The following LRRK2 variants were observed in gnomAD, a reference collection of about 807,000 sequenced individuals.
LRRK2 encodes leucine-rich repeat serine/threonine-protein kinase 2.
In LRRK2, 203 loss-of-function variants were observed where a neutral mutation model predicts 302.6. The observed-to-expected ratio is 0.67, with a 90% confidence interval of 0.60 to 0.75. The LOEUF is 0.75. Ranked by LOEUF, LRRK2 falls within the 30% of genes least tolerant of loss-of-function variation. The pLI, the probability that LRRK2 is intolerant of heterozygous loss-of-function variation, is 0.00. For synonymous variants in LRRK2, 1,066 were observed against 1,031.9 expected (o/e 1.03, Z -0.63); for missense variants, 2,830 against 2,951.0 (o/e 0.96, Z 0.95).
At chr12:40,367,506 AT>A in intron 50 of LRRK2, 137 bp from the exon 51 acceptor site, 2 of 666,610 alleles carry the variant, frequency 3.0e-6, no homozygotes, top group Non-Finnish European at 4.6e-6. Flanking sequence ...ATAAATAATA[AT>A]TTAGTACATT....
chr12:40,364,321 G>T lies in LRRK2; in HGVS notation c.7182-521G>T, dbSNP rs186917574. ...GGCCAACAGGTCTCCTTGATAAAGGGTTCCTTACTTCCTGAAGTACCAAAA... is the reference window on the plus strand; with the variant it reads ...GGCCAACAGGTCTCCTTGATAAAGGTTTCCTTACTTCCTGAAGTACCAAAA... On this transcript the variant is annotated intron_variant, in intron 48 of 50. Coordinates refer to ENST00000298910, the MANE Select transcript of LRRK2 (RefSeq NM_198578.4). Among the ~76,000 whole-genome samples, 3 of 152,030 alleles carry T rather than the reference G, an allele frequency of 2.0e-5. No homozygotes were observed. In the East Asian group the frequency reaches 5.8e-4, roughly 29 times the overall value.
intron 49 of LRRK2, chr12:40,366,358 C>T (rs1307118201): frequency 6.6e-6 from 1 of 151,926 alleles, no homozygotes; most frequent in African/African-American, 2.4e-5. Flanking sequence ...GTCAAAGTTC[C>T]CGCTTTGGGT....
intron 40 of LRRK2, among the ~76,000 whole-genome samples, chr12:40,339,351 A>C: frequency 6.6e-6 from 1 of 152,270 alleles, no homozygotes; most frequent in East Asian, 1.9e-4. Context: ...GAGAAGACAG[A>C]GTTGGAAATC....
intron 20 of LRRK2, among the ~76,000 whole-genome samples, chr12:40,288,345 C>T (rs1050951312): frequency 2.0e-5 from 3 of 151,710 alleles, no homozygotes; most frequent in Non-Finnish European, 2.9e-5. Flanking sequence ...TGGTCATTGT[C>T]GCTATTAAGT....
At chr12:40,335,231 ACTTCCC>A in intron 40 of LRRK2, 74 bp downstream of exon 40, 1 of 1,471,844 alleles carries the variant, frequency 6.8e-7, no homozygotes, top group Non-Finnish European at 9.4e-7. Flanking sequence ...TTCTGAGAAC[ACTTCCC>A]AGTAACACTG....
chr12:40,322,561 A>G, intron 37 of LRRK2, 51 bp downstream of exon 37: 1 of 1,483,094 alleles, frequency 6.7e-7, no homozygotes, highest in Non-Finnish European at 9.4e-7. Flanking sequence ...TTCAATACTT[A>G]TGAAGTGACT....
chr12:40,269,580 T>G (rs1943151484), intron 14 of LRRK2, among the ~76,000 whole-genome samples: 1 of 152,160 alleles, frequency 6.6e-6, no homozygotes, highest in South Asian at 2.1e-4. Flanking sequence ...TATAAAATTT[T>G]GAGAATTGTT....
chr12:40,245,055 C>T (rs968197330), intron 7 of LRRK2, among the ~76,000 whole-genome samples: 2 of 149,558 alleles, frequency 1.3e-5, no homozygotes, highest in East Asian at 1.9e-4. Context: ...GTCTTTTCAC[C>T]GTCTTTATGG....
chr12:40,277,762 C>A, intron 16 of LRRK2, 126 bp from the exon 17 acceptor site: 2 of 866,284 alleles, frequency 2.3e-6, no homozygotes, highest in Non-Finnish European at 3.5e-6. Context: ...AAGCACCAAC[C>A]CAATATATCT....
rs115471423 is a variant in LRRK2, at chr12:40,279,000, G to A, written c.2241+739G>A. ...TCATCTTTGTATCATTCAGAATATC[G>A]AGCTCATTGCTTTACATATGGTGTG... On this transcript the variant is annotated intron_variant, in intron 18 of 50. Coordinates refer to ENST00000298910, the MANE Select transcript of LRRK2 (RefSeq NM_198578.4). Among the ~76,000 whole-genome samples, 203 of 151,700 alleles carry A rather than the reference G, an allele frequency of 1.3e-3. 2 individuals are homozygous for A. The highest frequency in any genetic ancestry group is 4.7e-3 in the African/African-American group (193 of 41,386).
intron 23 of LRRK2, 106 bp downstream of exon 23, chr12:40,295,750 C>G: frequency 9.2e-7 from 1 of 1,091,814 alleles, no homozygotes; most frequent in Non-Finnish European, 1.3e-6. Context: ...ACTTTTGTGT[C>G]ACTGGGTGAT....
chr12:40,238,132 T>C, intron 5 of LRRK2, 29 bp downstream of exon 5: 13 of 1,605,558 alleles, frequency 8.1e-6, no homozygotes, highest in Non-Finnish European at 1.0e-5. Flanking sequence ...TTCCTTAAAG[T>C]ATATATAAGA....
chr12:40,299,195 C>G lies in LRRK2; in HGVS notation c.3434C>G (p.Ser1145Ter), dbSNP rs1474186771. The stretch of plus-strand genomic sequence containing the variant: ...AGTAAGAACCACATTTCATCCCTAT[C>G]AGAGAACTTTCTTGAGGCTTGTCCT... ...NLSKNHISSL[S>*]ENFLEACPKV... is the part of the protein sequence containing the mutation. The change falls in exon 25 of 51, where the codon TCA becomes TGA. Residue 1145 changes from serine (S) to a stop codon, truncating the protein, a stop_gained. Transcript: ENST00000298910. LOFTEE classifies it high-confidence loss of function. 1 of 1,613,554 alleles carries G rather than the reference C, an allele frequency of 6.2e-7. No individual in the cohort carries two copies. The highest frequency in any genetic ancestry group is 8.5e-7 in the Non-Finnish European group (1 of 1,179,802).
At chr12:40,276,421 T>A (rs941859782) in intron 16 of LRRK2, among the ~76,000 whole-genome samples, 4 of 152,118 alleles carry the variant, frequency 2.6e-5, no homozygotes, top group African/African-American at 7.2e-5. Context: ...TCAGCCTCCC[T>A]AGTAGCTAGG....
chr12:40,227,917 G>A (rs1940977309), intron 2 of LRRK2: 1 of 152,044 alleles, frequency 6.6e-6, no homozygotes, highest in South Asian at 2.1e-4. Flanking sequence ...TGTTGCCCAG[G>A]TTAGTTTCAA....
At position 40,298,273 on chromosome 12, in the gene LRRK2, C is replaced by G. The variant is rs1486232891; in HGVS notation, c.3127C>G (p.His1043Asp). ...TLKSLTHLDL[H>D]SNKFTSFPSY... ...GAAGAGTTTGACACATTTGGACTTG[C>G]ACAGTAATAAATTTACATCATTTCC... The change falls in exon 24 of 51, where the codon CAC (histidine) becomes GAC (aspartate). Residue 1043 changes from histidine (H) to aspartate (D), a missense_variant. Around this residue, in one of 3 missense-constraint regions of LRRK2, gnomAD observed 2,121 missense variants for 2,148.0 expected, o/e 0.99. Coordinates refer to ENST00000298910, the MANE Select transcript of LRRK2 (RefSeq NM_198578.4). The G allele has an allele frequency of 1.2e-6, 2 of 1,613,512 alleles. No individual in the cohort carries two copies. Among genetic ancestry groups the G allele is most frequent in the South Asian group, 2.2e-5 (2 of 91,064 alleles).
At chr12:40,244,158 C>T (rs1941869141) in intron 7 of LRRK2, among the ~76,000 whole-genome samples, 1 of 152,138 alleles carries the variant, frequency 6.6e-6, no homozygotes, top group Non-Finnish European at 1.5e-5. Context: ...TAGAGGTTAA[C>T]ACTATCCAGA....
intron 39 of LRRK2, among the ~76,000 whole-genome samples, chr12:40,330,981 G>A (rs1040985413): frequency 1.3e-5 from 2 of 151,858 alleles, no homozygotes; most frequent in Non-Finnish European, 1.5e-5. Flanking sequence ...TTGTTCCTTT[G>A]TAGCCATGTT....
In LRRK2 at chr12:40,252,906, A is replaced by T; in HGVS notation, c.1182-4A>T. The T allele has an allele frequency of 6.2e-7, 1 of 1,608,498 alleles. No homozygotes were observed. Among genetic ancestry groups the T allele is most frequent in the Non-Finnish European group, 8.5e-7 (1 of 1,175,254 alleles). ...TACTAACATTTTGTTTGAATTTTTG[A>T]AAGTTTCCCAGCTCATAGGGAAGTG... is the stretch of plus-strand genomic sequence containing the variant. On this transcript the variant is annotated splice_polypyrimidine_tract_variant and splice_region_variant and intron_variant, in intron 10 of 50. Transcript: ENST00000298910.
Sources: gnomAD v4.1 joint callset for allele counts (sites outside exome capture counted in the v4.1 genomes callset) on GRCh38, gnomAD v4.1.1 for gene constraint, gnomAD v4.1.1 regional missense constraint, MANE v1.5 for transcripts, NCBI Gene and HGNC (gene_info 2026-07-23, HGNC 2026-07-21) for gene names.